TTC21B: variants seen among roughly 807,000 people sequenced by gnomAD.
The protein encoded by TTC21B is tetratricopeptide repeat protein 21B.
Under a neutral mutation model 175.1 loss-of-function variants are expected in TTC21B, and 127 were observed. The ratio of observed to expected loss-of-function variants is 0.73; its 90% CI spans 0.63 to 0.84. The LOEUF (loss-of-function observed/expected upper bound fraction) is 0.84, where lower values mean the gene tolerates loss of function less well. Ranked by LOEUF, TTC21B falls within the 40% of genes least tolerant of loss-of-function variation. The probability of loss-of-function intolerance (pLI) is 0.00; values close to 1 mark genes in which losing one functional copy is unlikely to be tolerated. For missense variants in TTC21B, 1,561 were observed against 1,558.3 expected (o/e 1.00, Z -0.03); for synonymous variants, 524 against 524.5 (o/e 1.00, Z 0.01).
At chr2:165,942,453 C>T (rs774132217) in intron 5 of TTC21B, among the ~76,000 whole-genome samples, 3 of 152,114 alleles carry the variant, frequency 2.0e-5, no homozygotes, top group Non-Finnish European at 2.9e-5. Flanking sequence ...TTTCTCTGTT[C>T]AAAACTTTGT....
intron 28 of TTC21B, 81 bp from the exon 29 acceptor site, chr2:165,874,913 G>A (rs1208732770): frequency 5.7e-6 from 7 of 1,236,156 alleles, no homozygotes; most frequent in South Asian, 4.9e-5. Flanking sequence ...TAAGAAATGA[G>A]CATTACAGTT....
chr2:165,937,771 CCACACACACACACACACACACA>C lies in TTC21B; in HGVS notation c.710+3234_710+3255del, dbSNP rs4001021. On this transcript the variant is annotated intron_variant, in intron 6 of 28. Coordinates refer to ENST00000243344, the MANE Select transcript of TTC21B (RefSeq NM_024753.5). ...TACATATTTTTAAAATATATAGAAA[CCACACACACACACACACACACA>C]CACACACACACACACACACACACAC... Among the ~76,000 whole-genome samples, 205 of 127,634 alleles carry C rather than the reference CCACACACACACACACACACACA, an allele frequency of 1.6e-3. 1 individual carries two copies. Among genetic ancestry groups the C allele is most frequent in the Non-Finnish European group, 2.9e-3 (173 of 60,214 alleles). The allele number at this position is 127,634 out of a possible 152,430, so 83.7% of individuals were successfully genotyped here. A position where few individuals can be genotyped will look rare whatever the true frequency, so the allele number is the denominator to read the frequency against.
intron 26 of TTC21B, among the ~76,000 whole-genome samples, chr2:165,882,221 C>T (rs1684861650): frequency 6.6e-6 from 1 of 151,936 alleles, no homozygotes; most frequent in African/African-American, 2.4e-5. Flanking sequence ...ATCAGTCTTT[C>T]TTCATTAATT....
Position 165,907,690 on chromosome 2 carries a change from A to G in TTC21B, c.2556T>C (p.Thr852=). ...CAAATGTGTTTACCTGTTGTAATGC[A>G]GTGATCGCATCACCAAGTTTTTCCA... is the stretch of plus-strand genomic sequence containing the variant. ...SKMEKLGDAI[T]ALQQARELQA... Residue 852 remains threonine, a synonymous_variant, in exon 19 of 29, where the codon ACT becomes ACC. Transcript: ENST00000243344. 1.2e-6 allele frequency: 2 copies of G among 1,609,468 alleles called. No individual in the cohort carries two copies. The highest frequency in any genetic ancestry group is 1.7e-6 in the Non-Finnish European group (2 of 1,176,716).
chr2:165,935,157 G>A (rs116794108), intron 6 of TTC21B, among the ~76,000 whole-genome samples: 1,983 of 152,262 alleles, frequency 0.013, 58 homozygotes, highest in African/African-American at 0.045. Context: ...AAAACAGTGT[G>A]GAGCAAAGCT....
intron 18 of TTC21B, among the ~76,000 whole-genome samples, chr2:165,908,244 T>C (rs1426202566): frequency 7.9e-5 from 12 of 152,320 alleles, no homozygotes; most frequent in Admixed American, 7.2e-4. Context: ...GTTTCAAATC[T>C]AGGCTTTACC....
At chr2:165,911,176 G>A in intron 18 of TTC21B, 151 bp downstream of exon 18, 1 of 863,772 alleles carries the variant, frequency 1.2e-6, no homozygotes, top group South Asian at 1.6e-5. Context: ...CATTTTAGTA[G>A]AGTGGCATTC....
At chr2:165,921,628 A>T (rs116514182) in intron 12 of TTC21B, among the ~76,000 whole-genome samples, 1,989 of 152,210 alleles carry the variant, frequency 0.013, 56 homozygotes, top group African/African-American at 0.046. Context: ...CTGGTGTCTG[A>T]AGTCAGGGCA....
intron 25 of TTC21B, 82 bp from the exon 26 acceptor site, chr2:165,884,100 T>C (rs1445984036): frequency 2.8e-6 from 3 of 1,077,904 alleles, no homozygotes; most frequent in Non-Finnish European, 4.2e-6. Context: ...AAATGCTACA[T>C]AAGAACTAGT....
intron 26 of TTC21B, among the ~76,000 whole-genome samples, chr2:165,881,916 C>G (rs902687675): frequency 6.6e-6 from 1 of 152,078 alleles, no homozygotes; most frequent in African/African-American, 2.4e-5. Context: ...AGAAATCTCA[C>G]CAGTAATATT....
intron 22 of TTC21B, 157 bp downstream of exon 22, chr2:165,898,529 A>T: frequency 2.9e-6 from 2 of 694,878 alleles, no homozygotes; most frequent in Non-Finnish European, 5.3e-6. Flanking sequence ...CAATTTCCTT[A>T]TAGCCATTTC....
Position 165,890,539 on chromosome 2 carries a change from A to C in TTC21B, c.3203T>G (p.Leu1068Trp). 1.2e-6 allele frequency: 2 copies of C among 1,613,736 alleles called. No individual in the cohort carries two copies. Among genetic ancestry groups the C allele is most frequent in the Non-Finnish European group, 1.7e-6 (2 of 1,179,772 alleles). Residue 1068 changes from leucine (L) to tryptophan (W), a missense_variant, in exon 24 of 29, where the codon TTG becomes TGG. By Grantham distance (61) the Leu-to-Trp change is moderately conservative. Transcript: ENST00000243344. Reference protein sequence around the residue: ...NALYNMIEICLNPDNETVGGE... With the variant: ...NALYNMIEICWNPDNETVGGE... The stretch of plus-strand genomic sequence containing the variant: ...TCCAACAGTTTCATTATCTGGATTC[A>C]AACAGATCTCTATCATATTATAAAG...
Position 165,876,168 on chromosome 2 carries a change from GT to G in TTC21B, c.3869del (p.His1290ProfsTer25), listed in dbSNP as rs766801613. 3.1e-6 allele frequency: 5 copies of G among 1,589,012 alleles called. No individual in the cohort carries two copies. In the South Asian group the frequency reaches 5.5e-5, roughly 18 times the overall value. On this transcript the variant is annotated frameshift_variant, in exon 28 of 29. Transcript: ENST00000243344. LOFTEE classifies it high-confidence loss of function. ...KRYVDSIDIC[H>X]QVLEAHPTYP... ...AAATCTAAATTTAAGTGTTTACCTGGTGACATATGTCAATTGAATCCACATA... is the reference window on the plus strand; with the variant it reads ...AAATCTAAATTTAAGTGTTTACCTGGGACATATGTCAATTGAATCCACATA...
At chr2:165,907,166 A>T (rs530826587) in intron 19 of TTC21B, among the ~76,000 whole-genome samples, 19 of 152,132 alleles carry the variant, frequency 1.2e-4, no homozygotes, top group African/African-American at 4.3e-4. Context: ...GAAAAGGAAA[A>T]CAGGAGGAAA....
At position 165,932,982 on chromosome 2, in the gene TTC21B, A is replaced by G; in HGVS notation, c.786T>C (p.Asp262=). 1 of 1,612,770 alleles carries G rather than the reference A, an allele frequency of 6.2e-7. No individual in the cohort carries two copies. Among genetic ancestry groups the G allele is most frequent in the Non-Finnish European group, 8.5e-7 (1 of 1,179,244 alleles). Residue 262 remains aspartate, a synonymous_variant, in exon 7 of 29, where the codon GAT becomes GAC. Coordinates refer to ENST00000243344, the MANE Select transcript of TTC21B (RefSeq NM_024753.5). ...ATACAATGCCACTTACCTTCTCTATATCCCCCTCTCTACACACATAGTAGA... is the reference window on the plus strand; with the variant it reads ...ATACAATGCCACTTACCTTCTCTATGTCCCCCTCTCTACACACATAGTAGA... ...QALYYVCREG[D]IEKASTKLEN...
chr2:165,953,180 G>A (rs1347803337), intron 1 of TTC21B, among the ~76,000 whole-genome samples: 1 of 152,080 alleles, frequency 6.6e-6, no homozygotes, highest in Non-Finnish European at 1.5e-5. Context: ...TAAGTTGACC[G>A]TCATTAATAT....
At chr2:165,917,188 T>A in intron 14 of TTC21B, 69 bp downstream of exon 14, 1 of 1,481,094 alleles carries the variant, frequency 6.8e-7, no homozygotes, top group South Asian at 1.1e-5. Context: ...CAGCTTTTCA[T>A]TTTCTACTAA....
At chr2:165,876,410 G>T (rs557280682) in intron 27 of TTC21B, among the ~76,000 whole-genome samples, 178 bp from the exon 28 acceptor site, 2 of 152,292 alleles carry the variant, frequency 1.3e-5, no homozygotes, top group South Asian at 4.1e-4. Flanking sequence ...TGACACAAAA[G>T]AAGTGTAAGA....
At chr2:165,911,499 G>T in intron 17 of TTC21B, 34 bp from the exon 18 acceptor site, 1 of 1,612,786 alleles carries the variant, frequency 6.2e-7, no homozygotes. Context: ...AGGGAACAAG[G>T]CAATGAGAAT....
Sources: allele counts gnomAD v4.1 joint callset (sites outside exome capture counted in the v4.1 genomes callset), GRCh38; gene constraint gnomAD v4.1.1; transcripts MANE v1.5; gene names NCBI Gene and HGNC (gene_info 2026-07-23, HGNC 2026-07-21).